Variants in ABCB1 observed in about 807,000 individuals in gnomAD.
ABCB1 encodes ATP binding cassette subfamily B member 1.
ABCB1 carries 69 observed loss-of-function variants against 142.0 expected under a neutral mutation model. The observed-to-expected ratio is 0.49, with a 90% confidence interval of 0.40 to 0.59. The LOEUF (loss-of-function observed/expected upper bound fraction) is 0.59, where lower values mean the gene tolerates loss of function less well. Among genes scored for constraint, ABCB1 ranks in the 20% least tolerant of loss-of-function variants. The pLI is 0.00. For missense variants in ABCB1, 1,326 were observed against 1,554.7 expected, an observed-to-expected ratio of 0.85 and a Z score of 2.47; for synonymous variants, 532 against 539.2, an observed-to-expected ratio of 0.99 and a Z score of 0.18.
intron 1 of ABCB1, among the ~76,000 whole-genome samples, chr7:87,651,340 G>C (rs1033929243): frequency 1.3e-5 from 2 of 152,016 alleles, no homozygotes; most frequent in Non-Finnish European, 2.9e-5. Flanking sequence ...CAGGTAGTAG[G>C]TTAAAAAAGA....
intron 1 of ABCB1, among the ~76,000 whole-genome samples, chr7:87,630,731 C>T (rs1325971807): frequency 6.6e-6 from 1 of 150,650 alleles, no homozygotes; most frequent in African/African-American, 2.4e-5. Flanking sequence ...GCATCTAACA[C>T]TCAAAAAATA....
At chr7:87,581,094 ACCT>A (rs765667307) in intron 4 of ABCB1, among the ~76,000 whole-genome samples, 2 of 151,080 alleles carry the variant, frequency 1.3e-5, no homozygotes, top group Admixed American at 1.3e-4. Flanking sequence ...ATCTTGTTCC[ACCT>A]CCTCCTTACA....
At chr7:87,710,988 C>G (rs187907073) in intron 1 of ABCB1, among the ~76,000 whole-genome samples, 15 of 152,196 alleles carry the variant, frequency 9.9e-5, no homozygotes, top group Admixed American at 3.9e-4. Context: ...TCAATAGCAT[C>G]TTTTTTCTTT....
intron 4 of ABCB1, among the ~76,000 whole-genome samples, chr7:87,578,191 A>G (rs527596580): frequency 6.6e-6 from 1 of 152,142 alleles, no homozygotes; most frequent in Non-Finnish European, 1.5e-5. Context: ...TTTCCCCAAT[A>G]TACATTCTTA....
chr7:87,516,379 G>A (rs1815249421), intron 24 of ABCB1, 130 bp downstream of exon 24: 2 of 1,179,494 alleles, frequency 1.7e-6, no homozygotes, highest in Admixed American at 3.7e-5. Flanking sequence ...TAATTGAAAG[G>A]AATCTATGAT....
chr7:87,511,244 T>C (rs1277337758), intron 25 of ABCB1, among the ~76,000 whole-genome samples: 2 of 152,168 alleles, frequency 1.3e-5, no homozygotes, highest in African/African-American at 4.8e-5. Context: ...GCAGAGCTTC[T>C]TTGGCTGAGG....
intron 19 of ABCB1, 38 bp downstream of exon 19, chr7:87,539,230 T>C: frequency 6.3e-7 from 1 of 1,588,780 alleles, no homozygotes; most frequent in Non-Finnish European, 8.6e-7. Flanking sequence ...ACATGGGGAG[T>C]TCTACACATC....
At chr7:87,516,731 C>CTT (rs546527484) in intron 23 of ABCB1, 66 bp from the exon 24 acceptor site, 10,776 of 792,482 alleles carry the variant, frequency 0.014, no homozygotes, top group East Asian at 0.02. Flanking sequence ...GCTGACACTC[C>CTT]TTTTTTTTTT....
chr7:87,505,904 C>G lies in ABCB1; in HGVS notation c.3629G>C (p.Ser1210Thr). ...DEATSALDTE[S>T]EKVVQEALDK... ...CCCAATTTAAATTCTTACCTTTTCACTTTCTGTATCCAGAGCTGACGTGGC... is the reference window on the plus strand; with the variant it reads ...CCCAATTTAAATTCTTACCTTTTCAGTTTCTGTATCCAGAGCTGACGTGGC... The change falls in exon 27 of 28, where the codon AGT (serine) becomes ACT (threonine). Residue 1210 changes from serine to threonine, a missense_variant. By Grantham distance (58) the Ser-to-Thr change is moderately conservative (BLOSUM62 1). Transcript: ENST00000622132. The G allele has an allele frequency of 6.2e-7, 1 of 1,614,128 alleles. No homozygotes were observed. Among genetic ancestry groups the G allele is most frequent in the Non-Finnish European group, 8.5e-7 (1 of 1,180,010 alleles).
chr7:87,649,391 G>A (rs1467370808), intron 1 of ABCB1, among the ~76,000 whole-genome samples: 1 of 152,174 alleles, frequency 6.6e-6, no homozygotes, highest in Non-Finnish European at 1.5e-5. Flanking sequence ...AGAAAGCGTG[G>A]TTCTGCCTGA....
At chr7:87,609,579 T>G (rs1819778973) in intron 1 of ABCB1, among the ~76,000 whole-genome samples, 1 of 152,186 alleles carries the variant, frequency 6.6e-6, no homozygotes, top group African/African-American at 2.4e-5. Flanking sequence ...GATTTTAGAT[T>G]GGCTAGCATG....
upstream of ABCB1, among the ~76,000 whole-genome samples, chr7:87,603,819 T>G (rs1819551352): frequency 6.6e-6 from 1 of 152,260 alleles, no homozygotes; most frequent in Non-Finnish European, 1.5e-5. Flanking sequence ...AACGGGTTAC[T>G]TAACTCTGCT....
At position 87,504,198 on chromosome 7, in the gene ABCB1, C is replaced by G. The variant is rs371458048; in HGVS notation, c.*45G>C. ...TTTTAACTTTGAATAAATGTCATAT[C>G]TAAACAAATATTAAAAAGTATTTAA... is the stretch of plus-strand genomic sequence containing the variant. On this transcript the variant is annotated 3_prime_UTR_variant, in exon 28 of 28. Transcript: ENST00000622132. 1 of 1,609,798 alleles carries G rather than the reference C, an allele frequency of 6.2e-7. No individual in the cohort carries two copies. Among genetic ancestry groups the G allele is most frequent in the African/African-American group, 1.3e-5 (1 of 74,810 alleles).
intron 1 of ABCB1, chr7:87,628,769 T>G (rs1280270950): frequency 2.7e-6 from 3 of 1,092,204 alleles, no homozygotes; most frequent in South Asian, 9.3e-5. Flanking sequence ...CTTAAGCAGG[T>G]GTGGGGGGCG....
At chr7:87,505,161 T>C (rs1295307773) in intron 27 of ABCB1, among the ~76,000 whole-genome samples, 1 of 152,012 alleles carries the variant, frequency 6.6e-6, no homozygotes, top group Non-Finnish European at 1.5e-5. Context: ...ACAATGTCTC[T>C]CTGTGTTACC....
intron 4 of ABCB1, among the ~76,000 whole-genome samples, chr7:87,581,453 G>A (rs932596515): frequency 6.6e-6 from 1 of 151,906 alleles, no homozygotes; most frequent in Non-Finnish European, 1.5e-5. Flanking sequence ...ATTCATCAGT[G>A]ATTAAGCTTT....
At chr7:87,538,951 G>A (rs1048058396) in intron 19 of ABCB1, among the ~76,000 whole-genome samples, 40 of 152,180 alleles carry the variant, frequency 2.6e-4, no homozygotes, top group African/African-American at 8.4e-4. Flanking sequence ...GAAGGAAAGA[G>A]AGGAAAGGGA....
At chr7:87,592,781 G>A (rs1362232590) in intron 3 of ABCB1, among the ~76,000 whole-genome samples, 1 of 152,094 alleles carries the variant, frequency 6.6e-6, no homozygotes, top group African/African-American at 2.4e-5. Flanking sequence ...TAAACATAGG[G>A]TATTTAACAA....
At chr7:87,595,422 TA>T (rs1819159384) in intron 3 of ABCB1, among the ~76,000 whole-genome samples, 1 of 152,068 alleles carries the variant, frequency 6.6e-6, no homozygotes, top group Non-Finnish European at 1.5e-5. Flanking sequence ...GACTTTGACC[TA>T]AAAAACCTGC....
Sources: gnomAD v4.1 joint callset for allele counts (sites outside exome capture counted in the v4.1 genomes callset) on GRCh38, gnomAD v4.1.1 for gene constraint, MANE v1.5 for transcripts, NCBI Gene and HGNC (gene_info 2026-07-23, HGNC 2026-07-21) for gene names.